The following MAU2 variants were observed in gnomAD, a reference collection of about 807,000 sequenced individuals.
MAU2 encodes the protein MAU2 chromatid cohesion factor homolog.
MAU2 carries 9 observed loss-of-function variants against 89.1 expected under a neutral mutation model. That is an observed-to-expected ratio of 0.10 (90% CI 0.06 to 0.18). The LOEUF (loss-of-function observed/expected upper bound fraction) is 0.18, where lower values mean the gene tolerates loss of function less well. MAU2 is among the 10% of genes least tolerant of loss of function. The pLI is 1.00. For synonymous variants in MAU2, 357 were observed against 343.4 expected (o/e 1.04, Z -0.44); for missense variants, 425 against 803.5 (o/e 0.53, Z 5.69).
At position 19,345,617 on chromosome 19, in the gene MAU2, C is replaced by T. The variant is rs1019762646; in HGVS notation, c.1221+248C>T. 5.9e-5 allele frequency among the ~76,000 whole-genome samples: 9 copies of T among 152,292 alleles called. No homozygotes were observed. Among genetic ancestry groups the T allele is most frequent in the South Asian group, 2.1e-4 (1 of 4,830 alleles). On this transcript the variant is annotated intron_variant, in intron 12 of 18. Transcript: ENST00000262815. This position sits in a 1 kb window ranked among gnomAD's most constrained non-coding sequence, Gnocchi z 4.9. ...GGGCAGACGTGAGGGAGAGGTGCGA[C>T]GCGTCCGGGGACACCACTTTCATGC...
At chr19:19,355,480 T>C in intron 18 of MAU2, 89 bp downstream of exon 18, 1 of 1,560,314 alleles carries the variant, frequency 6.4e-7, no homozygotes. Context: ...ATTTCTCTTT[T>C]GTCCAACAAA....
At chr19:19,346,996 T>C (rs1648441620) in intron 12 of MAU2, 2 of 392,442 alleles carry the variant, frequency 5.1e-6, no homozygotes, top group South Asian at 6.3e-5. Context: ...TGAGAGACAG[T>C]GGAAAATGGA....
At chr19:19,354,138 C>T (rs1599929544) in intron 16 of MAU2, 1 of 590,378 alleles carries the variant, frequency 1.7e-6, no homozygotes, top group East Asian at 2.9e-5. Flanking sequence ...AGGGCATGAG[C>T]CAGAAGTGAG....
intron 1 of MAU2, among the ~76,000 whole-genome samples, chr19:19,328,409 C>T (rs745854514): frequency 4.6e-5 from 7 of 151,484 alleles, no homozygotes; most frequent in East Asian, 1.9e-4. Context: ...CCTGCATATC[C>T]GTTTCCCCCT....
At chr19:19,338,197 C>T (rs2061612706) in intron 4 of MAU2, among the ~76,000 whole-genome samples, 1 of 152,224 alleles carries the variant, frequency 6.6e-6, no homozygotes, top group Non-Finnish European at 1.5e-5. Flanking sequence ...AGGCCCTCCT[C>T]CCCCAGGCCT....
chr19:19,341,362 C>G lies in MAU2; in HGVS notation c.690C>G (p.Val230=). 1 of 1,613,972 alleles carries G rather than the reference C, an allele frequency of 6.2e-7. No individual in the cohort carries two copies. Among genetic ancestry groups the G allele is most frequent in the Non-Finnish European group, 8.5e-7 (1 of 1,180,022 alleles). ...GNPIQKESLR[V]FFLVLQVTHY... The stretch of plus-strand genomic sequence containing the variant: ...CCATCCAGAAGGAGTCGCTGCGTGT[C>G]TTCTTCCTGGTGCTCCAGGTCACCC... The change falls in exon 7 of 19, where the codon GTC becomes GTG. Residue 230 remains valine, a synonymous_variant. Coordinates refer to ENST00000262815, the MANE Select transcript of MAU2 (RefSeq NM_015329.4).
chr19:19,351,379 A>G (rs1001092340), intron 16 of MAU2, among the ~76,000 whole-genome samples: 2 of 151,840 alleles, frequency 1.3e-5, no homozygotes, highest in African/African-American at 4.8e-5. Flanking sequence ...AAAAAAAAAG[A>G]TATTTTCCAG....
At chr19:19,326,868 G>A (rs989400643) in intron 1 of MAU2, among the ~76,000 whole-genome samples, 8 of 149,942 alleles carry the variant, frequency 5.3e-5, no homozygotes, top group African/African-American at 2.0e-4. Context: ...CTCCACCCTG[G>A]ACAACAGACC....
intron 17 of MAU2, 146 bp from the exon 18 acceptor site, chr19:19,355,118 C>T: frequency 7.7e-6 from 8 of 1,042,710 alleles, no homozygotes; most frequent in South Asian, 1.5e-5. Flanking sequence ...GATCCCAAGA[C>T]AGGGCTCAGG....
chr19:19,334,122 C>T, intron 1 of MAU2: 1 of 977,294 alleles, frequency 1.0e-6, no homozygotes, highest in African/African-American at 1.7e-5. Context: ...AAAAAGCCCC[C>T]AACTTCTGCT....
chr19:19,346,342 G>C (rs1439334497), intron 12 of MAU2, among the ~76,000 whole-genome samples: 1 of 152,088 alleles, frequency 6.6e-6, no homozygotes, highest in African/African-American at 2.4e-5. Context: ...CCCACAAGTG[G>C]TTGCTATTGC....
intron 5 of MAU2, chr19:19,339,705 G>C (rs564842271): frequency 6.6e-6 from 1 of 151,802 alleles, no homozygotes; most frequent in Non-Finnish European, 1.5e-5. Flanking sequence ...GGCTTTTCAC[G>C]TGAGTGCGTC....
At chr19:19,336,874 TAAAAG>T (rs984809796) in intron 3 of MAU2, among the ~76,000 whole-genome samples, 7 of 152,320 alleles carry the variant, frequency 4.6e-5, no homozygotes, top group South Asian at 4.1e-4. Flanking sequence ...TCTGAGAACA[TAAAAG>T]AAGGGAACTG....
intron 9 of MAU2, 34 bp downstream of exon 9, chr19:19,342,900 A>T: frequency 1.2e-6 from 2 of 1,608,310 alleles, no homozygotes; most frequent in Non-Finnish European, 1.7e-6. Flanking sequence ...ACATGGCCAC[A>T]GCGACCCCTG....
Position 19,342,771 on chromosome 19 carries a change from G to T in MAU2, c.883-5G>T, listed in dbSNP as rs1276839872. ...GTAACCCCTGCTGTCTGGTCTTGTC[G>T]CTAGGTGACTGTGATGCACTCCATG... On this transcript the variant is annotated splice_polypyrimidine_tract_variant and splice_region_variant and intron_variant, in intron 8 of 18. Coordinates refer to ENST00000262815, the MANE Select transcript of MAU2 (RefSeq NM_015329.4). 1.2e-6 allele frequency: 2 copies of T among 1,614,012 alleles called. No homozygotes were observed. The highest frequency in any genetic ancestry group is 1.1e-5 in the South Asian group (1 of 91,082).
At chr19:19,343,778 C>T in intron 9 of MAU2, 59 bp from the exon 10 acceptor site, 1 of 1,313,146 alleles carries the variant, frequency 7.6e-7, no homozygotes. Context: ...GCACGGTGGG[C>T]TGGGGGTGGC....
chr19:19,320,937 C>T lies in MAU2; in HGVS notation c.78C>T (p.Tyr26=), dbSNP rs2061447174. The T allele has an allele frequency of 3.8e-6, 6 of 1,575,716 alleles. No individual in the cohort carries two copies. The highest frequency in any genetic ancestry group is 1.8e-5 in the Admixed American group (1 of 54,438). Residue 26 remains tyrosine, a synonymous_variant, in exon 1 of 19, where the codon TAC becomes TAT. Coordinates refer to ENST00000262815, the MANE Select transcript of MAU2 (RefSeq NM_015329.4). ...AGGCCGAGGCGGCCGACTCGTGGTA[C>T]CTGGCGCTTCTGGGCTTCGCTGAGC... ...AAQAEAADSW[Y]LALLGFAEHF...
At chr19:19,322,455 T>G (rs1253067184) in intron 1 of MAU2, among the ~76,000 whole-genome samples, 1 of 152,106 alleles carries the variant, frequency 6.6e-6, no homozygotes, top group Non-Finnish European at 1.5e-5. Flanking sequence ...AAAAACTAGC[T>G]GGGCGTACTG....
intron 3 of MAU2, among the ~76,000 whole-genome samples, 177 bp downstream of exon 3, chr19:19,336,364 ATC>A (rs2061596826): frequency 2.6e-5 from 4 of 151,976 alleles, no homozygotes; most frequent in African/African-American, 9.7e-5. Context: ...GCATGGCACA[ATC>A]ATGGCTCACC....
Sources: allele counts gnomAD v4.1 joint callset (sites outside exome capture counted in the v4.1 genomes callset), GRCh38; gene constraint gnomAD v4.1.1; non-coding constraint Gnocchi (gnomAD v3.1); transcripts MANE v1.5; gene names NCBI Gene and HGNC (gene_info 2026-07-23, HGNC 2026-07-21).